C14orf93: variants seen among roughly 807,000 people sequenced by gnomAD.
C14orf93 encodes the protein chromosome 14 open reading frame 93, also known as uncharacterized protein C14orf93.
Under a neutral mutation model 44.0 loss-of-function variants are expected in C14orf93, and 23 were observed. The observed-to-expected ratio is 0.52, with a 90% CI of 0.38 to 0.74. The LOEUF (loss-of-function observed/expected upper bound fraction) is 0.74. C14orf93 is among the 30% of genes least tolerant of loss of function. The probability of loss-of-function intolerance (pLI) is 0.00; values close to 1 mark genes in which losing one functional copy is unlikely to be tolerated. For synonymous variants in C14orf93, 253 were observed against 265.7 expected, an observed-to-expected ratio of 0.95 and a Z score of 0.46; for missense variants, 579 against 678.9, an observed-to-expected ratio of 0.85 and a Z score of 1.64.
rs750346068 is a variant in C14orf93, at chr14:22,996,268, G to GAGGATTGAGCAGGGGGGCCGCCT, written c.598-1_598insAGGCGGCCCCCCTGCTCAATCCT (p.Leu200ArgfsTer85). The GAGGATTGAGCAGGGGGGCCGCCT allele has an allele frequency of 6.5e-7, 1 of 1,536,386 alleles. No homozygotes were observed. The highest frequency in any genetic ancestry group is 1.2e-5 in the South Asian group (1 of 80,056). On this transcript the variant is annotated frameshift_variant and splice_region_variant. Coordinates refer to ENST00000299088, the MANE Select transcript of C14orf93 (RefSeq NM_021944.4). LOFTEE classifies it high-confidence loss of function. The surrounding 1 kb of genome is among the most constrained non-coding windows in gnomAD (Gnocchi z 4.1). ...TCAGAGGCCACGTAATCATCCACCA[G>GAGGATTGAGCAGGGGGGCCGCCT]CTAAGAACATAAAAAATAATAGCCT...
chr14:23,002,681 ATT>A (rs2046373562), intron 1 of C14orf93: 1 of 151,884 alleles, frequency 6.6e-6, no homozygotes, highest in Non-Finnish European at 1.5e-5. Context: ...TTCCTGTAAC[ATT>A]TTGTGTTCCC....
chr14:22,989,203 T>C (rs995233241), intron 5 of C14orf93, among the ~76,000 whole-genome samples: 2 of 152,144 alleles, frequency 1.3e-5, no homozygotes, highest in Non-Finnish European at 2.9e-5. Flanking sequence ...ATGTTGCCCA[T>C]GCTAGTCTCG....
chr14:22,992,421 G>A (rs2045699729), intron 3 of C14orf93, among the ~76,000 whole-genome samples: 2 of 147,554 alleles, frequency 1.4e-5, no homozygotes, highest in Non-Finnish European at 3.0e-5. Context: ...AGCTGAGATC[G>A]TGCCACTGCA....
In C14orf93 at chr14:22,994,742, A is replaced by AG. The variant is rs1239269279; in HGVS notation, c.918+1205_918+1206insC. On this transcript the variant is annotated intron_variant, in intron 3 of 6. Coordinates refer to ENST00000299088, the MANE Select transcript of C14orf93 (RefSeq NM_021944.4). Reference sequence around the variant, plus strand: ...GACCCTGTCTCAAGAAAGAAAAAAAAAAAAAAGAAGTTTTTGGGTACAGAG... The same window carrying AG: ...GACCCTGTCTCAAGAAAGAAAAAAAAGAAAAAAGAAGTTTTTGGGTACAGAG... Among the ~76,000 whole-genome samples, 3 of 152,132 alleles carry AG rather than the reference A, an allele frequency of 2.0e-5. No individual in the cohort carries two copies. The East Asian group carries it at 5.8e-4, about 29-fold the overall frequency.
At position 22,998,412 on chromosome 14, in the gene C14orf93, T is replaced by C. The variant is rs2046119365; in HGVS notation, c.597+15A>G. ...AAAGCACCTAGGAGGAATAGCCCTC[T>C]GCTGCCATACTCACAGGATTGAGCA... On this transcript the variant is annotated intron_variant, in intron 2 of 6. Transcript: ENST00000299088. The C allele has an allele frequency of 1.3e-6, 2 of 1,515,642 alleles. No individual in the cohort carries two copies. The highest frequency in any genetic ancestry group is 2.8e-5 in the African/African-American group (2 of 71,768). 93.9% of individuals were successfully genotyped at this position (1,515,642 alleles called of 1,614,324 possible).
intron 3 of C14orf93, chr14:22,993,707 C>G (rs956706089): frequency 3.3e-5 from 5 of 152,200 alleles, no homozygotes; most frequent in Non-Finnish European, 5.9e-5. Context: ...GCTGTTGGCT[C>G]ACCTACCTCC....
Position 22,998,815 on chromosome 14 carries a change from T to C in C14orf93, c.209A>G (p.Asp70Gly). ...AGCTTCAGCCAAACCCACTGCCTTATCGACCCGCTGGTAGATAACATGCAG... is the reference window on the plus strand; with the variant it reads ...AGCTTCAGCCAAACCCACTGCCTTACCGACCCGCTGGTAGATAACATGCAG... ...QLLHVIYQRVDKAVGLAEAAL... is the reference protein window; with the variant it reads ...QLLHVIYQRVGKAVGLAEAAL... The change falls in exon 2 of 7, where the codon GAT (aspartate) becomes GGT (glycine). Residue 70 changes from aspartate (D) to glycine (G), a missense_variant. By Grantham distance (94) the Asp-to-Gly change is moderately conservative. Transcript: ENST00000299088. 6.2e-7 allele frequency: 1 copy of C among 1,614,150 alleles called. No individual in the cohort carries two copies. The highest frequency in any genetic ancestry group is 1.6e-4 in the Middle Eastern group (1 of 6,062).
chr14:22,999,101 C>T lies in C14orf93; in HGVS notation c.-78G>A. The T allele has an allele frequency of 1.3e-6, 2 of 1,515,786 alleles. No individual in the cohort carries two copies. The highest frequency in any genetic ancestry group is 1.3e-5 in the South Asian group (1 of 77,082). 93.9% of individuals were successfully genotyped at this position (1,515,786 alleles called of 1,614,324 possible). On this transcript the variant is annotated 5_prime_UTR_variant, in exon 2 of 7. It removes the in-frame stop codon of an upstream open reading frame in the 5' UTR. Coordinates refer to ENST00000299088, the MANE Select transcript of C14orf93 (RefSeq NM_021944.4). ...TAGGAAGCATCAACTTCTCTGGACTCACTTTCCTTTCTCAATGAGGATGGT... is the reference window on the plus strand; with the variant it reads ...TAGGAAGCATCAACTTCTCTGGACTTACTTTCCTTTCTCAATGAGGATGGT...
chr14:22,991,009 G>A lies in C14orf93; in HGVS notation c.919-882C>T, dbSNP rs141014335. On this transcript the variant is annotated intron_variant, in intron 3 of 6. Transcript: ENST00000299088. ...AATTTTTTGTATTTTTAGTAGAGAC[G>A]GGGTTTCACCGTGTTAGCCAGGATG... is the stretch of plus-strand genomic sequence containing the variant. Among the ~76,000 whole-genome samples the A allele has an allele frequency of 9.3e-3, 1,398 of 150,668 alleles. 24 individuals carry two copies. Among genetic ancestry groups the A allele is most frequent in the African/African-American group, 0.032 (1,301 of 41,084 alleles).
intron 1 of C14orf93, chr14:23,002,917 A>G (rs1016012488): frequency 2.0e-5 from 3 of 152,182 alleles, no homozygotes; most frequent in Admixed American, 6.6e-5. Context: ...TTTGCCCCCA[A>G]ATTTAATATT....
rs1057091774 is a variant in C14orf93 at position 22,998,347 on chromosome 14, A to G, written c.597+80T>C. 3.5e-6 allele frequency: 5 copies of G among 1,425,568 alleles called. No homozygotes were observed. In the African/African-American group the frequency reaches 5.8e-5, roughly 16 times the overall value. 88.3% of individuals were successfully genotyped at this position (1,425,568 alleles called of 1,614,324 possible). A position where few individuals can be genotyped will look rare whatever the true frequency, so the allele number is the denominator to read the frequency against. ...ATACAAACAAAAGGTTTAAAGATGG[A>G]AAGAAAAGAACAGAAAGGAAAAAGA... On this transcript the variant is annotated intron_variant, in intron 2 of 6. Coordinates refer to ENST00000299088, the MANE Select transcript of C14orf93 (RefSeq NM_021944.4).
chr14:23,000,470 C>A (rs1040232335), intron 1 of C14orf93, among the ~76,000 whole-genome samples: 1 of 152,102 alleles, frequency 6.6e-6, no homozygotes, highest in Non-Finnish European at 1.5e-5. Flanking sequence ...AATCCCAGCA[C>A]TGTGGAAGGC....
At position 22,999,053 on chromosome 14, in the gene C14orf93, C is replaced by CCT. The variant is rs1485762294; in HGVS notation, c.-31_-30insAG. 1.3e-6 allele frequency: 2 copies of CCT among 1,567,688 alleles called. No homozygotes were observed. Among genetic ancestry groups the CCT allele is most frequent in the Non-Finnish European group, 1.7e-6 (2 of 1,158,866 alleles). On this transcript the variant is annotated 5_prime_UTR_variant, in exon 2 of 7. The change abolishes the stop of an existing upstream ORF in the 5' untranslated region. Transcript: ENST00000299088. ...GATGGGGCAGTAACAACCACGCTTACACTGCTGGGCCGCTCCAACAGGTAG... is the reference window on the plus strand; with the variant it reads ...GATGGGGCAGTAACAACCACGCTTACCTACTGCTGGGCCGCTCCAACAGGTAG...
At chr14:22,994,229 C>T (rs1407823222) in intron 3 of C14orf93, 4 of 152,146 alleles carry the variant, frequency 2.6e-5, no homozygotes, top group African/African-American at 4.8e-5. Flanking sequence ...AAGAATATCT[C>T]CAGCCAGGCA....
chr14:23,007,734 G>C (rs917058080), intron 1 of C14orf93, among the ~76,000 whole-genome samples: 5 of 152,136 alleles, frequency 3.3e-5, no homozygotes, highest in Non-Finnish European at 7.4e-5. Context: ...TCAGGGATAC[G>C]GGCTCTGCAC....
chr14:23,007,905 C>A (rs1228866365), intron 1 of C14orf93, among the ~76,000 whole-genome samples: 1 of 152,132 alleles, frequency 6.6e-6, no homozygotes, highest in Non-Finnish European at 1.5e-5. Flanking sequence ...GTAATCCCAG[C>A]ACTTTGAGAG....
intron 4 of C14orf93, 63 bp from the exon 5 acceptor site, chr14:22,989,908 T>C (rs900811667): frequency 2.7e-6 from 4 of 1,482,312 alleles, no homozygotes; most frequent in Non-Finnish European, 3.8e-6. Flanking sequence ...CAAACAGAGA[T>C]ACCCAGCACT....
rs1323439651 is a variant in C14orf93 at position 22,996,440 on chromosome 14, A to G, written c.598-172T>C. Among the ~76,000 whole-genome samples the G allele has an allele frequency of 2.0e-5, 3 of 152,144 alleles. No individual in the cohort carries two copies. The highest frequency in any genetic ancestry group is 2.9e-5 in the Non-Finnish European group (2 of 68,010). On this transcript the variant is annotated intron_variant, in intron 2 of 6. Transcript: ENST00000299088. The surrounding 1 kb of genome is among the most constrained non-coding windows in gnomAD (Gnocchi z 4.1). ...TGGGACTCCTATGAGTGTTGGGCAA[A>G]TATTTCTTGTGTGTACAGGGCCTCT...
chr14:22,993,407 T>G (rs1717196248), intron 3 of C14orf93, among the ~76,000 whole-genome samples: 1 of 152,228 alleles, frequency 6.6e-6, no homozygotes, highest in Admixed American at 6.5e-5. Context: ...TCTTTATGGC[T>G]AGGGTCTCCA....
Sources: gnomAD v4.1 joint callset for allele counts (sites outside exome capture counted in the v4.1 genomes callset) on GRCh38, gnomAD v4.1.1 for gene constraint, Gnocchi (gnomAD v3.1) non-coding constraint, MANE v1.5 for transcripts, NCBI Gene and HGNC (gene_info 2026-07-23, HGNC 2026-07-21) for gene names.